NADSYN1: variants seen among roughly 807,000 people sequenced by gnomAD.
The protein encoded by NADSYN1 is glutamine-dependent NAD(+) synthetase.
NADSYN1 carries 80 observed loss-of-function variants against 99.3 expected under a neutral mutation model. The observed-to-expected ratio is 0.81, with a 90% confidence interval of 0.67 to 0.97. NADSYN1 has a LOEUF of 0.97. NADSYN1 is among the 50% of genes least tolerant of loss of function. NADSYN1 has a pLI of 0.00. For missense variants in NADSYN1, 859 were observed against 948.5 expected (o/e 0.91, Z 1.24); for synonymous variants, 385 against 372.1 (o/e 1.03, Z -0.40).
chr11:71,485,128 C>CG (rs1192228898), intron 15 of NADSYN1: 1 of 172,088 alleles, frequency 5.8e-6, no homozygotes, highest in Non-Finnish European at 1.3e-5. Context: ...AAAGAGAGGC[C>CG]GGGGGCTCCA....
chr11:71,459,541 G>C (rs1283530383), intron 3 of NADSYN1: 1 of 156,604 alleles, frequency 6.4e-6, no homozygotes, highest in Non-Finnish European at 1.4e-5. Flanking sequence ...ATGCTGTGCT[G>C]GAGTCTGTGC....
chr11:71,474,368 C>A, intron 8 of NADSYN1, 27 bp from the exon 9 acceptor site: 1 of 1,613,756 alleles, frequency 6.2e-7, no homozygotes, highest in Non-Finnish European at 8.5e-7. Flanking sequence ...CAGCTGACCA[C>A]TCCGCTATGG....
chr11:71,463,859 T>G (rs764429539), intron 4 of NADSYN1, among the ~76,000 whole-genome samples, 194 bp from the exon 5 acceptor site: 3 of 152,166 alleles, frequency 2.0e-5, no homozygotes, highest in Non-Finnish European at 2.9e-5. Flanking sequence ...TCGTTGACGG[T>G]CACGAATGGA....
chr11:71,468,026 G>A (rs190986425), intron 5 of NADSYN1, among the ~76,000 whole-genome samples: 51 of 152,328 alleles, frequency 3.3e-4, no homozygotes, highest in South Asian at 1.0e-3. Context: ...CTCCTGCTTC[G>A]TAGTGGTGAA....
At chr11:71,477,425 G>C (rs776256826) in intron 9 of NADSYN1, 1 of 1,289,764 alleles carries the variant, frequency 7.8e-7, no homozygotes, top group South Asian at 1.2e-5. Flanking sequence ...GTCTTCATGG[G>C]CATCTCCGGC....
chr11:71,456,970 C>G (rs1222800886), intron 2 of NADSYN1, among the ~76,000 whole-genome samples: 2 of 152,244 alleles, frequency 1.3e-5, no homozygotes, highest in African/African-American at 4.8e-5. Context: ...CAGAGACCCT[C>G]TCACCTAGAA....
intron 3 of NADSYN1, among the ~76,000 whole-genome samples, chr11:71,461,604 T>C (rs1432568887): frequency 6.6e-6 from 1 of 152,104 alleles, no homozygotes; most frequent in Non-Finnish European, 1.5e-5. Context: ...AATTTTTGTA[T>C]TTTTAGTAGA....
At position 71,457,436 on chromosome 11, in the gene NADSYN1, GA is replaced by G. The variant is rs1591120343; in HGVS notation, c.147-990del. Among the ~76,000 whole-genome samples the G allele has an allele frequency of 2.0e-5, 3 of 152,354 alleles. No individual in the cohort carries two copies. In the East Asian group the frequency reaches 5.8e-4, roughly 29 times the overall value. On this transcript the variant is annotated intron_variant, in intron 2 of 20. Transcript: ENST00000319023. The stretch of plus-strand genomic sequence containing the variant: ...TGTGTAGTAGAAAGGAGAACTTCTT[GA>G]AGAGTTATAAGTGTTCTACAGATAC...
chr11:71,457,048 C>T (rs1949518965), intron 2 of NADSYN1, among the ~76,000 whole-genome samples: 1 of 152,264 alleles, frequency 6.6e-6, no homozygotes, highest in African/African-American at 2.4e-5. Flanking sequence ...CCAAATGGCC[C>T]CAGGACCAGC....
chr11:71,458,620 C>T (rs1010829669), intron 3 of NADSYN1, 76 bp downstream of exon 3: 14 of 1,025,914 alleles, frequency 1.4e-5, no homozygotes, highest in Non-Finnish European at 2.0e-5. Context: ...CCCAACCGGC[C>T]TCCATCCAGG....
Position 71,474,506 on chromosome 11 carries a change from C to G in NADSYN1, c.778C>G (p.Gln260Glu). The G allele has an allele frequency of 6.2e-7, 1 of 1,614,216 alleles. No individual in the cohort carries two copies. Among genetic ancestry groups the G allele is most frequent in the Non-Finnish European group, 8.5e-7 (1 of 1,180,024 alleles). Residue 260 changes from glutamine to glutamate, a missense_variant, in exon 9 of 21, where the codon CAG (glutamine) becomes GAG (glutamate). By Grantham distance (29) the Gln-to-Glu change is conservative. Transcript: ENST00000319023. ...MNGSVFAQGSQFSLDDVEVLT... is the reference protein window; with the variant it reads ...MNGSVFAQGSEFSLDDVEVLT... ...CGGAAGCGTCTTTGCTCAAGGATCC[C>G]AGTTTTCTCTGGATGACGTGGTAAT...
intron 4 of NADSYN1, 53 bp from the exon 5 acceptor site, chr11:71,464,000 G>A: frequency 6.9e-7 from 1 of 1,449,422 alleles, no homozygotes; most frequent in Non-Finnish European, 9.5e-7. Flanking sequence ...CACCGCCAGT[G>A]GCACGTTCAT....
intron 13 of NADSYN1, among the ~76,000 whole-genome samples, 156 bp downstream of exon 13, chr11:71,482,181 C>G (rs1469603623): frequency 1.3e-5 from 2 of 152,198 alleles, no homozygotes; most frequent in Non-Finnish European, 2.9e-5. Context: ...GCATCACATC[C>G]CAGTCCTGCA....
intron 5 of NADSYN1, chr11:71,464,492 T>G (rs1423305773): frequency 4.6e-6 from 1 of 216,560 alleles, no homozygotes; most frequent in Non-Finnish European, 9.4e-6. Flanking sequence ...ACAAAGTTAT[T>G]TACTTGGTGT....
At chr11:71,463,833 G>T (rs1422049336) in intron 4 of NADSYN1, among the ~76,000 whole-genome samples, 1 of 152,226 alleles carries the variant, frequency 6.6e-6, no homozygotes, top group Non-Finnish European at 1.5e-5. Context: ...ACACCTTCTG[G>T]GGCTTAGCTG....
At chr11:71,487,430 C>G (rs936703215) in intron 16 of NADSYN1, among the ~76,000 whole-genome samples, 2 of 152,198 alleles carry the variant, frequency 1.3e-5, no homozygotes, top group Non-Finnish European at 2.9e-5. Flanking sequence ...CCTCACAACT[C>G]TTGTCCATCA....
intron 18 of NADSYN1, among the ~76,000 whole-genome samples, chr11:71,494,426 G>GT (rs1372408696): frequency 1.3e-5 from 2 of 152,196 alleles, no homozygotes; most frequent in Non-Finnish European, 2.9e-5. Context: ...CTGGATGTGT[G>GT]TAAGTGCCTT....
At chr11:71,485,514 C>T (rs1949736219) in intron 15 of NADSYN1, 28 bp from the exon 16 acceptor site, 1 of 1,513,306 alleles carries the variant, frequency 6.6e-7, no homozygotes, top group African/African-American at 1.4e-5. Context: ...GCAAGGGAAC[C>T]CGTTATTTCC....
chr11:71,454,141 C>T (rs1949498207), intron 1 of NADSYN1, among the ~76,000 whole-genome samples: 2 of 152,206 alleles, frequency 1.3e-5, no homozygotes, highest in African/African-American at 4.8e-5. Flanking sequence ...CTGCAAGAGC[C>T]TTTGCCAGGA....
Sources: allele counts gnomAD v4.1 joint callset (sites outside exome capture counted in the v4.1 genomes callset), GRCh38; gene constraint gnomAD v4.1.1; transcripts MANE v1.5; gene names NCBI Gene and HGNC (gene_info 2026-07-23, HGNC 2026-07-21).